ZNF559: variants seen among roughly 807,000 people sequenced by gnomAD.
ZNF559 encodes the protein zinc finger protein 559.
A neutral mutation model predicts 14.2 loss-of-function variants in ZNF559; 17 were observed. The observed-to-expected ratio is 1.20, with a 90% confidence interval of 0.82 to 1.80. The LOEUF is 1.80. ZNF559 is among the 40% of genes most tolerant of loss of function. The pLI, the probability that ZNF559 is intolerant of heterozygous loss-of-function variation, is 0.00. For synonymous variants in ZNF559, 244 were observed against 212.4 expected, an observed-to-expected ratio of 1.15 and a Z score of -1.29; for missense variants, 740 against 629.7, an observed-to-expected ratio of 1.18 and a Z score of -1.88.
rs756666310 is a variant in ZNF559 at position 9,342,607 on chromosome 19, T to C, written c.1156T>C (p.Cys386Arg). The change falls in exon 7 of 7, where the codon TGT becomes CGT. Residue 386 changes from cysteine (C) to arginine (R), a missense_variant. Cys to Arg is a radical substitution (Grantham distance 180, BLOSUM62 -3). Transcript: ENST00000603380. ...TGAGAAGCCTTATCAATGTAAGGAATGTGGAAAAGCCTTTATTAATTCCTC... is the reference window on the plus strand; with the variant it reads ...TGAGAAGCCTTATCAATGTAAGGAACGTGGAAAAGCCTTTATTAATTCCTC... ...TGEKPYQCKE[C>R]GKAFINSSSF... 6.2e-7 allele frequency: 1 copy of C among 1,614,088 alleles called. No homozygotes were observed. The highest frequency in any genetic ancestry group is 1.3e-5 in the African/African-American group (1 of 75,010).
Position 9,328,083 on chromosome 19 carries a change from C to CT in ZNF559, c.-120+3305dup, listed in dbSNP as rs1241806303. 4.6e-5 allele frequency among the ~76,000 whole-genome samples: 7 copies of CT among 152,114 alleles called. No homozygotes were observed. The East Asian group carries it at 1.3e-3, about 29-fold the overall frequency. ...TTTATACTCATATTCCTATTACAAA[C>CT]TTAAGAGGTTTTTTGTTTTTCCTTA... On this transcript the variant is annotated intron_variant, in intron 2 of 6. Coordinates refer to ENST00000603380, the MANE Select transcript of ZNF559 (RefSeq NM_032497.3).
rs1336970631 is a variant in ZNF559, at chr19:9,337,560, C to T, written c.-119-236C>T. On this transcript the variant is annotated intron_variant, in intron 2 of 6. Coordinates refer to ENST00000603380, the MANE Select transcript of ZNF559 (RefSeq NM_032497.3). ...AGTTTAGGTTTGTGAGTCAGAGTAACCTGTATTCATATCCTGGCTCACACT... is the reference window on the plus strand; with the variant it reads ...AGTTTAGGTTTGTGAGTCAGAGTAATCTGTATTCATATCCTGGCTCACACT... Among the ~76,000 whole-genome samples the T allele has an allele frequency of 2.0e-5, 3 of 152,120 alleles. No homozygotes were observed. The East Asian group carries it at 5.8e-4, about 29-fold the overall frequency.
intron 4 of ZNF559, 37 bp from the exon 5 acceptor site, chr19:9,339,156 G>A (rs375640157): frequency 1.6e-5 from 25 of 1,611,566 alleles, no homozygotes; most frequent in African/African-American, 5.3e-5. Context: ...AGTGGAGAAC[G>A]TACTTGCCTG....
At position 9,333,515 on chromosome 19, in the gene ZNF559, C is replaced by T. The variant is rs181034374; in HGVS notation, c.-119-4281C>T. On this transcript the variant is annotated intron_variant, in intron 2 of 6. Coordinates refer to ENST00000603380, the MANE Select transcript of ZNF559 (RefSeq NM_032497.3). ...TCCCACCTGAGCAACATAGCAAGAC[C>T]CCATCTCTACAGAAAACTAAAGAAT... Among the ~76,000 whole-genome samples, 13 of 152,164 alleles carry T rather than the reference C, an allele frequency of 8.5e-5. 1 individual carries two copies. The highest frequency in any genetic ancestry group is 2.7e-4 in the African/African-American group (11 of 41,490).
In ZNF559 at chr19:9,343,078, G is replaced by T; in HGVS notation, c.*10G>T. ...TACTGAATGTGTGTGAATTGGGGCT[G>T]ATACTTGGAAAGAATGTGGTAAAGC... On this transcript the variant is annotated 3_prime_UTR_variant, in exon 7 of 7. Transcript: ENST00000603380. The T allele has an allele frequency of 6.3e-7, 1 of 1,598,654 alleles. No homozygotes were observed. Among genetic ancestry groups the T allele is most frequent in the Non-Finnish European group, 8.5e-7 (1 of 1,173,510 alleles).
At chr19:9,329,745 C>G (rs1183208614) in intron 2 of ZNF559, among the ~76,000 whole-genome samples, 1 of 152,170 alleles carries the variant, frequency 6.6e-6, no homozygotes, top group Non-Finnish European at 1.5e-5. Flanking sequence ...CCTACTGCAA[C>G]CTCCACCTCC....
chr19:9,337,809 G>C lies in ZNF559; in HGVS notation c.-106G>C. 6.9e-7 allele frequency: 1 copy of C among 1,451,596 alleles called. No individual in the cohort carries two copies. Among genetic ancestry groups the C allele is most frequent in the Non-Finnish European group, 9.1e-7 (1 of 1,104,874 alleles). 89.9% of individuals were successfully genotyped at this position (1,451,596 alleles called of 1,614,324 possible). On this transcript the variant is annotated 5_prime_UTR_variant, in exon 3 of 7. The change abolishes an upstream ATG in the 5' untranslated region. Transcript: ENST00000603380. ...CATCTTCTGCAGAGAGATGGCTAATGAATGGCGCTTGATGACAGATGAGTA... is the reference window on the plus strand; with the variant it reads ...CATCTTCTGCAGAGAGATGGCTAATCAATGGCGCTTGATGACAGATGAGTA...
At chr19:9,338,641 GT>G in intron 4 of ZNF559, 59 bp downstream of exon 4, 7 of 1,345,760 alleles carry the variant, frequency 5.2e-6, no homozygotes, top group Non-Finnish European at 7.5e-6. Flanking sequence ...ATGTAGATGT[GT>G]TTTCTCCTAG....
intron 2 of ZNF559, among the ~76,000 whole-genome samples, chr19:9,327,639 G>T (rs1041048184): frequency 6.6e-6 from 1 of 152,118 alleles, no homozygotes; most frequent in Non-Finnish European, 1.5e-5. Context: ...TAGTTCTGTT[G>T]TTCTTTCTCC....
At chr19:9,339,076 C>A in intron 4 of ZNF559, 117 bp from the exon 5 acceptor site, 1 of 1,403,820 alleles carries the variant, frequency 7.1e-7, no homozygotes, top group Non-Finnish European at 9.9e-7. Context: ...TGAGGACCAT[C>A]AAGTGATAGG....
intron 1 of ZNF559, 92 bp downstream of exon 1, chr19:9,324,320 G>T: frequency 6.5e-7 from 1 of 1,532,118 alleles, no homozygotes; most frequent in Non-Finnish European, 8.7e-7. Context: ...CAGTGAAATG[G>T]AGCCTGTCCC....
rs2067419990 is a variant in ZNF559 at position 9,339,417 on chromosome 19, G to A, written c.160+98G>A. 5.1e-6 allele frequency: 7 copies of A among 1,359,282 alleles called. No individual in the cohort carries two copies. The South Asian group carries it at 8.5e-5, about 16-fold the overall frequency. 84.2% of individuals were successfully genotyped at this position (1,359,282 alleles called of 1,614,324 possible). ...CTCTGCTTGTTAATGGGCTGCATTG[G>A]TAAACAGGCGAAACATTGTTTCCAT... is the stretch of plus-strand genomic sequence containing the variant. On this transcript the variant is annotated intron_variant, in intron 5 of 6. Transcript: ENST00000603380.
chr19:9,324,529 A>C (rs1253122500), intron 1 of ZNF559, 166 bp from the exon 2 acceptor site: 1 of 1,262,454 alleles, frequency 7.9e-7, no homozygotes, highest in African/African-American at 1.5e-5. Flanking sequence ...GCGGCGGCTC[A>C]CGCCTGTCAT....
At chr19:9,341,547 C>T in intron 6 of ZNF559, 148 bp from the exon 7 acceptor site, 1 of 1,403,160 alleles carries the variant, frequency 7.1e-7, no homozygotes, top group Non-Finnish European at 9.7e-7. Context: ...AGGTCTGAAC[C>T]ATGCCTTGCA....
rs899057344 is a variant in ZNF559 at position 9,345,621 on chromosome 19, G to A, written c.*2553G>A. ...GGGGAAGAGTCTGTTCAAATCTTTT[G>A]CCTGTTTATATTGGCTTTATTTTTT... On this transcript the variant is annotated 3_prime_UTR_variant, in exon 7 of 7. Transcript: ENST00000603380. 1.3e-4 allele frequency: 19 copies of A among 150,926 alleles called. No homozygotes were observed. Among genetic ancestry groups the A allele is most frequent in the Non-Finnish European group, 2.7e-4 (18 of 67,752 alleles). 9.3% of individuals were successfully genotyped at this position (150,926 alleles called of 1,614,324 possible).
Position 9,324,625 on chromosome 19 carries a change from C to CCT in ZNF559, c.-205-69_-205-68insTC, listed in dbSNP as rs1264605459. The CCT allele has an allele frequency of 2.3e-5, 24 of 1,028,964 alleles. No individual in the cohort carries two copies. The African/African-American group carries it at 3.4e-4, about 15-fold the overall frequency. 63.7% of individuals were successfully genotyped at this position (1,028,964 alleles called of 1,614,324 possible). A position where few individuals can be genotyped will look rare whatever the true frequency, so the allele number is the denominator to read the frequency against. ...GCAGGGCAACATAGGGAGACCCCCC[C>CCT]CCCCAACCATCTCTAATGGAAAAAA... On this transcript the variant is annotated intron_variant, in intron 1 of 6. Coordinates refer to ENST00000603380, the MANE Select transcript of ZNF559 (RefSeq NM_032497.3).
rs1191920926 is a variant in ZNF559 at position 9,343,606 on chromosome 19, A to C, written c.*538A>C. On this transcript the variant is annotated 3_prime_UTR_variant, in exon 7 of 7. Coordinates refer to ENST00000603380, the MANE Select transcript of ZNF559 (RefSeq NM_032497.3). ...TGTTTTTAGCTTCCACTTTGGGAACATGTCAAAGCACACATTGAGAAGTCC... is the reference window on the plus strand; with the variant it reads ...TGTTTTTAGCTTCCACTTTGGGAACCTGTCAAAGCACACATTGAGAAGTCC... The C allele has an allele frequency of 1.0e-6, 1 of 991,036 alleles. No individual in the cohort carries two copies. Among genetic ancestry groups the C allele is most frequent in the African/African-American group, 1.7e-5 (1 of 57,258 alleles). 61.4% of individuals were successfully genotyped at this position (991,036 alleles called of 1,614,324 possible). A position where few individuals can be genotyped will look rare whatever the true frequency, so the allele number is the denominator to read the frequency against.
At chr19:9,331,092 A>G (rs1330350210) in intron 2 of ZNF559, among the ~76,000 whole-genome samples, 1 of 152,190 alleles carries the variant, frequency 6.6e-6, no homozygotes, top group African/African-American at 2.4e-5. Context: ...TTTCTCAGTC[A>G]TACAGAGCAG....
chr19:9,328,064 C>T (rs1305610998), intron 2 of ZNF559, among the ~76,000 whole-genome samples: 1 of 152,140 alleles, frequency 6.6e-6, no homozygotes, highest in Non-Finnish European at 1.5e-5. Flanking sequence ...TACATTTATA[C>T]TCATATTCCT....
Sources: gnomAD v4.1 joint callset for allele counts (sites outside exome capture counted in the v4.1 genomes callset) on GRCh38, gnomAD v4.1.1 for gene constraint, MANE v1.5 for transcripts, NCBI Gene and HGNC (gene_info 2026-07-23, HGNC 2026-07-21) for gene names.